The following LTF variants were observed in gnomAD, a reference collection of about 807,000 sequenced individuals.
LTF encodes epididymis luminal protein 110.
In LTF, 91 loss-of-function variants were observed where a neutral mutation model predicts 87.2. That is an observed-to-expected ratio of 1.04 (90% confidence interval 0.88 to 1.24). LTF has a LOEUF of 1.24. Among genes scored for constraint, LTF ranks in the 50% most tolerant of loss-of-function variants. The pLI is 0.00. For missense variants in LTF, 901 were observed against 904.3 expected (o/e 1.00, Z 0.05); for synonymous variants, 378 against 356.1 (o/e 1.06, Z -0.69).
At chr3:46,439,251 G>A in intron 15 of LTF, 45 bp downstream of exon 15, 1 of 1,549,712 alleles carries the variant, frequency 6.5e-7, no homozygotes, top group South Asian at 1.2e-5. Flanking sequence ...CACCTAACAT[G>A]AGCCCACACA....
At chr3:46,439,256 C>T (rs1218945909) in intron 15 of LTF, 40 bp downstream of exon 15, 2 of 1,561,752 alleles carry the variant, frequency 1.3e-6, no homozygotes, top group Non-Finnish European at 1.7e-6. Context: ...AACATGAGCC[C>T]ACACAGCTAA....
Position 46,456,053 on chromosome 3 carries a change from T to G in LTF, c.317-75A>C, listed in dbSNP as rs1702921672. 35 of 1,348,706 alleles carry G rather than the reference T, an allele frequency of 2.6e-5. 1 individual carries two copies. The highest frequency in any genetic ancestry group is 3.3e-5 in the Non-Finnish European group (33 of 1,005,064). The allele number at this position is 1,348,706 out of a possible 1,614,324, so 83.5% of individuals were successfully genotyped here. A position where few individuals can be genotyped will look rare whatever the true frequency, so the allele number is the denominator to read the frequency against. ...CAAAAACAACCCATCCTGAAAAGTC[T>G]CCGGTGGGAAGGGGGAATGCTGTGC... On this transcript the variant is annotated intron_variant, in intron 3 of 16. Coordinates refer to ENST00000231751, the MANE Select transcript of LTF (RefSeq NM_002343.6).
intron 1 of LTF, chr3:46,484,948 G>A (rs889560608): frequency 6.6e-6 from 1 of 152,256 alleles, no homozygotes; most frequent in Admixed American, 6.5e-5. Flanking sequence ...GGCTGCTCTC[G>A]GAGCAGAGCC....
At chr3:46,480,653 CAA>C (rs1703420253) in intron 1 of LTF, among the ~76,000 whole-genome samples, 1 of 152,090 alleles carries the variant, frequency 6.6e-6, no homozygotes, top group Non-Finnish European at 1.5e-5. Flanking sequence ...GTCCCAGCTA[CAA>C]AGAGGACAAT....
Position 46,450,589 on chromosome 3 carries a change from T to C in LTF, c.788A>G (p.Asp263Gly). The change falls in exon 7 of 17, where the codon GAC becomes GGC. Residue 263 changes from aspartate to glycine, a missense_variant. Asp to Gly is a moderately conservative substitution (Grantham distance 94). Transcript: ENST00000231751. ...NTRKPVDKFK[D>G]CHLARVPSHA... ...AGAAGGGACCCGGGCCAGATGGCAG[T>C]CTTTGAACTTGTCCACTGGCTTCCG... 6.2e-7 allele frequency: 1 copy of C among 1,614,124 alleles called. No individual in the cohort carries two copies. The highest frequency in any genetic ancestry group is 8.5e-7 in the Non-Finnish European group (1 of 1,180,024).
intron 15 of LTF, 46 bp downstream of exon 15, chr3:46,439,250 T>C: frequency 6.5e-7 from 1 of 1,543,534 alleles, no homozygotes; most frequent in South Asian, 1.2e-5. Context: ...TCACCTAACA[T>C]GAGCCCACAC....
At chr3:46,449,231 T>C (rs1702737852) in intron 8 of LTF, among the ~76,000 whole-genome samples, 1 of 152,202 alleles carries the variant, frequency 6.6e-6, no homozygotes, top group South Asian at 2.1e-4. Context: ...CTTCTGTTCC[T>C]TTGGAGAAGT....
intron 1 of LTF, among the ~76,000 whole-genome samples, chr3:46,479,110 T>G (rs888185601): frequency 2.0e-5 from 3 of 152,232 alleles, no homozygotes; most frequent in African/African-American, 7.2e-5. Context: ...AGAATGTCCA[T>G]GGACCACGGT....
chr3:46,479,615 C>A (rs563405336), intron 1 of LTF, among the ~76,000 whole-genome samples: 2 of 152,324 alleles, frequency 1.3e-5, no homozygotes, highest in East Asian at 3.9e-4. Context: ...CCTCTGCCTC[C>A]AGGGTTCAAG....
At chr3:46,468,366 T>A, upstream of LTF, 1 of 456,144 alleles carries the variant, frequency 2.2e-6, no homozygotes, top group South Asian at 1.5e-5. Context: ...GACAGTAACA[T>A]GAGTTTAAGG....
At chr3:46,444,745 A>G (rs1406704046) in intron 12 of LTF, among the ~76,000 whole-genome samples, 3 of 152,250 alleles carry the variant, frequency 2.0e-5, no homozygotes, top group African/African-American at 7.2e-5. Flanking sequence ...CGGGGCCCAC[A>G]GCAGGCAGGG....
chr3:46,482,554 G>A (rs1703449271), intron 1 of LTF, among the ~76,000 whole-genome samples: 1 of 107,620 alleles, frequency 9.3e-6, no homozygotes, highest in Non-Finnish European at 1.8e-5. Flanking sequence ...GGAAGGGAAG[G>A]GAAGGGAAGG....
intron 6 of LTF, among the ~76,000 whole-genome samples, chr3:46,451,358 C>G (rs1702797832): frequency 6.6e-6 from 1 of 152,194 alleles, no homozygotes. Context: ...CTAACTAACT[C>G]AATCTCACAG....
In LTF at chr3:46,473,935, C is replaced by A. The variant is rs145329469; in HGVS notation, c.-319-3469G>T. ...TCATGTGTGTACTAAGTAATACCTA[C>A]GGTAACCACTACGTAACCTATACAA... On this transcript the variant is annotated intron_variant, in intron 1 of 19. Coordinates refer to the LTF transcript ENST00000443496. 2.5e-3 allele frequency among the ~76,000 whole-genome samples: 386 copies of A among 152,234 alleles called. 2 individuals carry two copies. Among genetic ancestry groups the A allele is most frequent in the Middle Eastern group, 6.8e-3 (2 of 294 alleles).
Sources: gnomAD v4.1 joint callset for allele counts (sites outside exome capture counted in the v4.1 genomes callset) on GRCh38, gnomAD v4.1.1 for gene constraint, MANE v1.5 for transcripts, NCBI Gene and HGNC (gene_info 2026-07-23, HGNC 2026-07-21) for gene names.